Variants in HERC2 observed in about 807,000 individuals in gnomAD.
HERC2 encodes HECT and RLD domain containing E3 ubiquitin protein ligase 2.
HERC2 carries 102 observed loss-of-function variants against 537.7 expected under a neutral mutation model. The observed-to-expected ratio is 0.19, with a 90% CI of 0.16 to 0.22. The LOEUF (loss-of-function observed/expected upper bound fraction) is 0.22. Ranked by LOEUF, HERC2 falls within the 10% of genes least tolerant of loss-of-function variation. The pLI is 1.00. For missense variants in HERC2, 4,236 were observed against 6,198.2 expected (o/e 0.68, Z 10.63); for synonymous variants, 2,224 against 2,466.2 (o/e 0.90, Z 2.91).
At chr15:28,129,562 C>T (rs73379643) in intron 83 of HERC2, among the ~76,000 whole-genome samples, 11,570 of 152,262 alleles carry the variant, frequency 0.076, 1,526 homozygotes, top group African/African-American at 0.27. Flanking sequence ...GGATCCCTCC[C>T]GAAACCCAGG....
intron 83 of HERC2, among the ~76,000 whole-genome samples, chr15:28,128,381 A>G (rs1889735017): frequency 6.6e-6 from 1 of 152,236 alleles, no homozygotes; most frequent in African/African-American, 2.4e-5. Flanking sequence ...ACTCACTCTC[A>G]TGTGGACTGG....
At chr15:28,313,401 G>A (rs528037539) in intron 2 of HERC2, among the ~76,000 whole-genome samples, 8 of 152,232 alleles carry the variant, frequency 5.3e-5, no homozygotes, top group Non-Finnish European at 8.8e-5. Context: ...GGATGGTCTC[G>A]ACCTCCTGAC....
intron 21 of HERC2, 107 bp downstream of exon 21, chr15:28,248,445 G>A: frequency 1.3e-6 from 1 of 749,170 alleles, no homozygotes; most frequent in Non-Finnish European, 2.1e-6. Context: ...GGTGCATTTA[G>A]TAGTATAACA....
intron 23 of HERC2, among the ~76,000 whole-genome samples, chr15:28,239,980 A>G (rs1902885860): frequency 6.6e-6 from 1 of 152,228 alleles, no homozygotes. Flanking sequence ...ATAGTCCAGG[A>G]AAATGTAACA....
intron 56 of HERC2, among the ~76,000 whole-genome samples, chr15:28,185,426 C>T (rs1053309968): frequency 2.0e-5 from 3 of 152,208 alleles, no homozygotes; most frequent in African/African-American, 7.2e-5. Context: ...ACAACATATC[C>T]ATTTATTTTG....
chr15:28,179,379 T>C (rs1296013225), intron 57 of HERC2, among the ~76,000 whole-genome samples, 156 bp from the exon 58 acceptor site: 4 of 152,244 alleles, frequency 2.6e-5, no homozygotes, highest in Non-Finnish European at 5.9e-5. Flanking sequence ...GCAGTCCCAG[T>C]AGATTATAAT....
chr15:28,302,021 G>A (rs1480329427), intron 2 of HERC2, among the ~76,000 whole-genome samples: 2 of 148,612 alleles, frequency 1.3e-5, no homozygotes, highest in Non-Finnish European at 1.5e-5. Flanking sequence ...GATGGTCTGG[G>A]TCTCTTGACC....
chr15:28,158,183 G>A lies in HERC2; in HGVS notation c.10746+4911C>T, dbSNP rs566670920. Among the ~76,000 whole-genome samples, 18 of 152,254 alleles carry A rather than the reference G, an allele frequency of 1.2e-4. No individual in the cohort carries two copies. In the South Asian group the frequency reaches 1.5e-3, roughly 12 times the overall value. On this transcript the variant is annotated intron_variant, in intron 69 of 92. Coordinates refer to ENST00000261609, the MANE Select transcript of HERC2 (RefSeq NM_004667.6). Reference sequence around the variant, plus strand: ...ATGTGGTCAATTTTGGAGTAAGTGCGGTGTGGTGCTGAGAAGAATGTATAT... The same window carrying A: ...ATGTGGTCAATTTTGGAGTAAGTGCAGTGTGGTGCTGAGAAGAATGTATAT...
chr15:28,303,206 T>G lies in HERC2; in HGVS notation c.73-3690A>C, dbSNP rs150136396. Among the ~76,000 whole-genome samples, 1,269 of 152,170 alleles carry G rather than the reference T, an allele frequency of 8.3e-3. 12 individuals are homozygous for G. The highest frequency in any genetic ancestry group is 0.029 in the African/African-American group (1,198 of 41,426). On this transcript the variant is annotated intron_variant, in intron 2 of 92. Coordinates refer to ENST00000261609, the MANE Select transcript of HERC2 (RefSeq NM_004667.6). Reference sequence around the variant, plus strand: ...ATATGGTGAGAGATAGCGGTCTAGTTTCATTTTTCTGCATATGGGTGTCCC... The same window carrying G: ...ATATGGTGAGAGATAGCGGTCTAGTGTCATTTTTCTGCATATGGGTGTCCC...
intron 3 of HERC2, among the ~76,000 whole-genome samples, chr15:28,295,316 G>T (rs1177703641): frequency 1.5e-5 from 2 of 136,106 alleles, no homozygotes; most frequent in African/African-American, 5.2e-5. Flanking sequence ...TGTGGGGGGG[G>T]GGGAGTGGGG....
chr15:28,146,143 T>C, intron 71 of HERC2, 94 bp downstream of exon 71: 2 of 846,056 alleles, frequency 2.4e-6, no homozygotes, highest in Non-Finnish European at 3.9e-6. Context: ...TCCATGAGAA[T>C]ACGAAGGCAG....
At chr15:28,202,698 T>C in intron 45 of HERC2, 84 bp from the exon 46 acceptor site, 1 of 465,984 alleles carries the variant, frequency 2.1e-6, no homozygotes, top group Non-Finnish European at 3.6e-6. Context: ...GTGATGGCCT[T>C]CTACTGTGAA....
intron 14 of HERC2, among the ~76,000 whole-genome samples, chr15:28,264,378 C>T (rs949430167): frequency 6.6e-6 from 1 of 152,190 alleles, no homozygotes; most frequent in African/African-American, 2.4e-5. Context: ...ATTACATGGT[C>T]AATGAAAGCG....
At position 28,217,740 on chromosome 15, in the gene HERC2, CAA is replaced by C. The variant is rs566984688; in HGVS notation, c.6028+747_6028+748del. On this transcript the variant is annotated intron_variant, in intron 38 of 92. Transcript: ENST00000261609. ...ATGTTGGATTAGAGTCAAAGAAACTCAAAGAGTCCTTTCAGAGACAGAAAAGG... is the reference window on the plus strand; with the variant it reads ...ATGTTGGATTAGAGTCAAAGAAACTCAGAGTCCTTTCAGAGACAGAAAAGG... 2.8e-3 allele frequency among the ~76,000 whole-genome samples: 427 copies of C among 152,288 alleles called. 3 individuals carry two copies. Among genetic ancestry groups the C allele is most frequent in the African/African-American group, 9.7e-3 (404 of 41,542 alleles).
chr15:28,293,236 G>C (rs1050068147), intron 3 of HERC2, among the ~76,000 whole-genome samples: 10 of 152,178 alleles, frequency 6.6e-5, no homozygotes, highest in Admixed American at 4.6e-4. Flanking sequence ...GCTCACGCCT[G>C]TAATCCCAGC....
At chr15:28,161,437 G>C (rs1178924528) in intron 69 of HERC2, among the ~76,000 whole-genome samples, 4 of 152,198 alleles carry the variant, frequency 2.6e-5, no homozygotes, top group Non-Finnish European at 5.9e-5. Flanking sequence ...AGCCAGGAAG[G>C]ACATCTCAGG....
Position 28,186,569 on chromosome 15 carries a change from G to T in HERC2, c.8825+8C>A, listed in dbSNP as rs767798667. 6.2e-7 allele frequency: 1 copy of T among 1,611,966 alleles called. No homozygotes were observed. The highest frequency in any genetic ancestry group is 1.3e-5 in the African/African-American group (1 of 74,880). ...GGTAAGTGAGCACCTGTAACAAATG[G>T]TTCTCACCTTCCGCTGTTGCCTTTC... On this transcript the variant is annotated splice_region_variant and intron_variant, in intron 56 of 92. Coordinates refer to ENST00000261609, the MANE Select transcript of HERC2 (RefSeq NM_004667.6).
rs762714585 is a variant in HERC2 at position 28,268,621 on chromosome 15, A to G, written c.1447-5T>C. ...GCCTTGGACCAGCTGTGGGGCCTAA[A>G]GAAGGAAAAATACGAAGAAAAGTAG... On this transcript the variant is annotated splice_region_variant and splice_polypyrimidine_tract_variant and intron_variant, in intron 11 of 92. Transcript: ENST00000261609. This position sits in a 1 kb window ranked among gnomAD's most constrained non-coding sequence, Gnocchi z 4.7. 1 of 1,612,900 alleles carries G rather than the reference A, an allele frequency of 6.2e-7. No homozygotes were observed. Among genetic ancestry groups the G allele is most frequent in the Admixed American group, 1.7e-5 (1 of 59,776 alleles).
At chr15:28,307,952 G>C (rs904648201) in intron 2 of HERC2, among the ~76,000 whole-genome samples, 1 of 152,094 alleles carries the variant, frequency 6.6e-6, no homozygotes, top group Non-Finnish European at 1.5e-5. Flanking sequence ...GGTTACTATA[G>C]CTCTGTAGTA....
Sources: gnomAD v4.1 joint callset for allele counts (sites outside exome capture counted in the v4.1 genomes callset) on GRCh38, gnomAD v4.1.1 for gene constraint, Gnocchi (gnomAD v3.1) non-coding constraint, MANE v1.5 for transcripts, NCBI Gene and HGNC (gene_info 2026-07-23, HGNC 2026-07-21) for gene names.